Variants in GRIK5 observed in about 807,000 individuals in gnomAD.
GRIK5 encodes glutamate receptor ionotropic, kainate 5.
A neutral mutation model predicts 97.4 loss-of-function variants in GRIK5; 43 were observed. That is an observed-to-expected ratio of 0.44 (90% CI 0.35 to 0.57). GRIK5 has a LOEUF of 0.57. Among genes scored for constraint, GRIK5 ranks in the 20% least tolerant of loss-of-function variants. The probability of loss-of-function intolerance (pLI) is 0.01; values close to 1 mark genes in which losing one functional copy is unlikely to be tolerated. For missense variants in GRIK5, 1,015 were observed against 1,382.0 expected (o/e 0.73, Z 4.21); for synonymous variants, 580 against 583.5 (o/e 0.99, Z 0.09).
In GRIK5 at chr19:42,042,734, G is replaced by A. The variant is rs2075994268; in HGVS notation, c.1291C>T (p.Arg431Trp). The change falls in exon 12 of 20, where the codon CGG becomes TGG. Residue 431 changes from arginine to tryptophan, a missense_variant. Arg to Trp is a moderately radical substitution (Grantham distance 101). This residue lies in a region of GRIK5 where 477 missense variants were observed against 701.1 expected (regional missense o/e 0.68). Transcript: ENST00000593562. The surrounding 1 kb of genome is among the most constrained non-coding windows in gnomAD (Gnocchi z 6.9). ...TILENPYVMRRPNFQALSGNE... is the reference protein window; with the variant it reads ...TILENPYVMRWPNFQALSGNE... ...CCCGACAGGGCCTGGAAGTTGGGCC[G>A]GCGCATGACGTATGGGTTCTCCTGG... 3.1e-6 allele frequency: 5 copies of A among 1,613,550 alleles called. No homozygotes were observed. Among genetic ancestry groups the A allele is most frequent in the Non-Finnish European group, 4.2e-6 (5 of 1,179,918 alleles).
intron 15 of GRIK5, among the ~76,000 whole-genome samples, chr19:42,011,340 C>G (rs2075559294): frequency 6.6e-6 from 1 of 151,692 alleles, no homozygotes. Context: ...ATCACGAGGT[C>G]AGGAGATCGA....
chr19:42,068,059 C>A (rs1176221509), intron 1 of GRIK5, among the ~76,000 whole-genome samples: 1 of 152,096 alleles, frequency 6.6e-6, no homozygotes, highest in Non-Finnish European at 1.5e-5. Context: ...AAGAAATGGC[C>A]AAACTCTACA....
At chr19:42,058,747 A>G (rs1029639810) in intron 6 of GRIK5, among the ~76,000 whole-genome samples, 15 of 149,738 alleles carry the variant, frequency 1.0e-4, no homozygotes, top group South Asian at 4.3e-4. Context: ...AATCACTTGA[A>G]CCTAGGAGAC....
intron 1 of GRIK5, among the ~76,000 whole-genome samples, chr19:42,067,170 G>A (rs997336492): frequency 3.9e-5 from 6 of 152,222 alleles, no homozygotes; most frequent in Non-Finnish European, 7.3e-5. Context: ...AGAATGCTGT[G>A]AAGTGGGCCT....
rs1204462149 is a variant in GRIK5, at chr19:42,022,179, C to T, written c.1587+62G>A. On this transcript the variant is annotated intron_variant, in intron 13 of 19. Coordinates refer to ENST00000593562, the MANE Select transcript of GRIK5 (RefSeq NM_002088.5). The surrounding 1 kb of genome is among the most constrained non-coding windows in gnomAD (Gnocchi z 4.2). ...TGAGGTCCTGGGGCTGTCTGGCTCC[C>T]ACTCGCAGGCCCTGAGCCTCCATGC... The T allele has an allele frequency of 2.8e-6, 4 of 1,452,714 alleles. No homozygotes were observed. Among genetic ancestry groups the T allele is most frequent in the Non-Finnish European group, 3.9e-6 (4 of 1,036,998 alleles). The allele number at this position is 1,452,714 out of a possible 1,614,324, so 90.0% of individuals were successfully genotyped here.
intron 19 of GRIK5, among the ~76,000 whole-genome samples, chr19:42,001,173 G>T (rs1209723032): frequency 2.6e-5 from 4 of 152,062 alleles, no homozygotes; most frequent in Non-Finnish European, 5.9e-5. Context: ...TATCCAAACT[G>T]GTGAATCGTA....
intron 15 of GRIK5, among the ~76,000 whole-genome samples, chr19:42,008,109 C>G (rs2075515861): frequency 6.6e-6 from 1 of 151,936 alleles, no homozygotes; most frequent in African/African-American, 2.4e-5. Flanking sequence ...TTGGCCACTC[C>G]CGGGTTCAAG....
rs1175601477 is a variant in GRIK5, at chr19:42,006,768, G to C, written c.1914C>G (p.Asn638Lys). 1.9e-6 allele frequency: 3 copies of C among 1,613,340 alleles called. No homozygotes were observed. The highest frequency in any genetic ancestry group is 2.5e-6 in the Non-Finnish European group (3 of 1,179,650). ...TLIIISSYTA[N>K]LAAFLTVQRM... Reference sequence around the variant, plus strand: ...GCTGCACGGTGAGGAAGGCGGCCAGGTTGGCCGTGTAGGAGGAGATGATGA... The same window carrying C: ...GCTGCACGGTGAGGAAGGCGGCCAGCTTGGCCGTGTAGGAGGAGATGATGA... Residue 638 changes from asparagine (N) to lysine (K), a missense_variant, in exon 16 of 20, where the codon AAC becomes AAG. This residue lies in a region of GRIK5 where 477 missense variants were observed against 701.1 expected (regional missense o/e 0.68). Transcript: ENST00000593562. This position sits in a 1 kb window ranked among gnomAD's most constrained non-coding sequence, Gnocchi z 5.3.
At position 41,999,993 on chromosome 19, in the gene GRIK5, G is replaced by A. The variant is rs181824576; in HGVS notation, c.2515-694C>T. 2.6e-5 allele frequency among the ~76,000 whole-genome samples: 4 copies of A among 152,332 alleles called. No individual in the cohort carries two copies. The highest frequency in any genetic ancestry group is 2.0e-4 in the Admixed American group (3 of 15,290). On this transcript the variant is annotated intron_variant, in intron 19 of 19. Transcript: ENST00000593562. This position sits in a 1 kb window ranked among gnomAD's most constrained non-coding sequence, Gnocchi z 5.0. The stretch of plus-strand genomic sequence containing the variant: ...AAGCCAGCCTGCTGGACAGATAACC[G>A]GGCAGGGCCGAAATGCCCAGGTGGG...
chr19:42,042,414 G>C lies in GRIK5; in HGVS notation c.1473+138C>G. ...GCATACAGCGCAACATCAGTGAGGT[G>C]GTGTCAGGGGCCCTTCATGGCTCCT... On this transcript the variant is annotated intron_variant, in intron 12 of 19. Coordinates refer to ENST00000593562, the MANE Select transcript of GRIK5 (RefSeq NM_002088.5). The surrounding 1 kb of genome is among the most constrained non-coding windows in gnomAD (Gnocchi z 6.9). 1 of 712,730 alleles carries C rather than the reference G, an allele frequency of 1.4e-6. No individual in the cohort carries two copies. Among genetic ancestry groups the C allele is most frequent in the Admixed American group, 2.5e-5 (1 of 40,296 alleles). The allele number at this position is 712,730 out of a possible 1,614,324, so 44.2% of individuals were successfully genotyped here. A position where few individuals can be genotyped will look rare whatever the true frequency, so the allele number is the denominator to read the frequency against.
At chr19:42,068,789 TG>T in intron 1 of GRIK5, 2 of 567,260 alleles carry the variant, frequency 3.5e-6, no homozygotes, top group South Asian at 2.1e-5. Flanking sequence ...ACACAGGAAA[TG>T]GGGGCTCAAA....
At position 42,003,467 on chromosome 19, in the gene GRIK5, G is replaced by C. The variant is rs782785439; in HGVS notation, c.2393-14C>G. 7.3e-5 allele frequency: 118 copies of C among 1,613,560 alleles called. No individual in the cohort carries two copies. The highest frequency in any genetic ancestry group is 9.7e-5 in the Non-Finnish European group (115 of 1,179,694). ...CCATGCCCAAACCTGGAGGGCGAAG[G>C]GAGTTGGGGGGCAAAGGGAGTTGGG... On this transcript the variant is annotated splice_polypyrimidine_tract_variant and intron_variant, in intron 18 of 19. Transcript: ENST00000593562. This position sits in a 1 kb window ranked among gnomAD's most constrained non-coding sequence, Gnocchi z 4.2.
In GRIK5 at chr19:42,022,702, A is replaced by C; in HGVS notation, c.1474-348T>G. 1.0e-6 allele frequency: 1 copy of C among 980,148 alleles called. No individual in the cohort carries two copies. Among genetic ancestry groups the C allele is most frequent in the Non-Finnish European group, 1.2e-6 (1 of 825,420 alleles). The allele number at this position is 980,148 out of a possible 1,614,324, so 60.7% of individuals were successfully genotyped here. A position where few individuals can be genotyped will look rare whatever the true frequency, so the allele number is the denominator to read the frequency against. ...GGCCATAAAAGAGCCAAGGTCCTGAAGGGGCTGAGACTGACAGCACTCGAG... is the reference window on the plus strand; with the variant it reads ...GGCCATAAAAGAGCCAAGGTCCTGACGGGGCTGAGACTGACAGCACTCGAG... On this transcript the variant is annotated intron_variant, in intron 12 of 19. Coordinates refer to ENST00000593562, the MANE Select transcript of GRIK5 (RefSeq NM_002088.5). This position sits in a 1 kb window ranked among gnomAD's most constrained non-coding sequence, Gnocchi z 4.2.
At chr19:42,009,229 TTTTTA>T (rs1395415386) in intron 15 of GRIK5, among the ~76,000 whole-genome samples, 2 of 151,978 alleles carry the variant, frequency 1.3e-5, no homozygotes, top group African/African-American at 4.8e-5. Flanking sequence ...TATCGTTATT[TTTTTA>T]TTTTATTTAT....
At position 42,003,830 on chromosome 19, in the gene GRIK5, C is replaced by T. The variant is rs1414041673; in HGVS notation, c.2264-147G>A. 4 of 777,122 alleles carry T rather than the reference C, an allele frequency of 5.1e-6. No individual in the cohort carries two copies. Among genetic ancestry groups the T allele is most frequent in the East Asian group, 2.8e-5 (1 of 36,250 alleles). 48.1% of individuals were successfully genotyped at this position (777,122 alleles called of 1,614,324 possible). ...CTGCAGCCTCTCCTCACCCCCAGCC[C>T]AGTCTCCTCTCAACACAGCAGCCAG... On this transcript the variant is annotated intron_variant, in intron 17 of 19. Transcript: ENST00000593562. This position sits in a 1 kb window ranked among gnomAD's most constrained non-coding sequence, Gnocchi z 4.2.
At chr19:42,038,490 G>A (rs1302303040) in intron 12 of GRIK5, among the ~76,000 whole-genome samples, 3 of 152,218 alleles carry the variant, frequency 2.0e-5, no homozygotes, top group Non-Finnish European at 2.9e-5. Context: ...TTGAGAAAAC[G>A]GGGCTAATAC....
At position 42,003,478 on chromosome 19, in the gene GRIK5, G is replaced by C; in HGVS notation, c.2393-25C>G. On this transcript the variant is annotated intron_variant, in intron 18 of 19. Transcript: ENST00000593562. This position sits in a 1 kb window ranked among gnomAD's most constrained non-coding sequence, Gnocchi z 4.2. ...CCTGGAGGGCGAAGGGAGTTGGGGGGCAAAGGGAGTTGGGGCTGTGTGGGA... is the reference window on the plus strand; with the variant it reads ...CCTGGAGGGCGAAGGGAGTTGGGGGCCAAAGGGAGTTGGGGCTGTGTGGGA... 2 of 1,612,346 alleles carry C rather than the reference G, an allele frequency of 1.2e-6. No individual in the cohort carries two copies. The highest frequency in any genetic ancestry group is 1.7e-6 in the Non-Finnish European group (2 of 1,178,702).
At chr19:42,024,533 C>T (rs1306415723) in intron 12 of GRIK5, among the ~76,000 whole-genome samples, 2 of 152,114 alleles carry the variant, frequency 1.3e-5, no homozygotes, top group East Asian at 1.9e-4. Context: ...GTTCTTAGCA[C>T]GACTGGAGAT....
chr19:42,041,611 C>T (rs541812991), intron 12 of GRIK5, among the ~76,000 whole-genome samples: 27 of 152,130 alleles, frequency 1.8e-4, no homozygotes, highest in South Asian at 4.1e-4. Context: ...CTTTCCACTG[C>T]ACCCTTGCCT....
Sources: gnomAD v4.1 joint callset for allele counts (sites outside exome capture counted in the v4.1 genomes callset) on GRCh38, gnomAD v4.1.1 for gene constraint, gnomAD v4.1.1 regional missense constraint, Gnocchi (gnomAD v3.1) non-coding constraint, MANE v1.5 for transcripts, NCBI Gene and HGNC (gene_info 2026-07-23, HGNC 2026-07-21) for gene names.